The following FGF18 variants were observed in gnomAD, a reference collection of about 807,000 sequenced individuals.
FGF18 encodes fibroblast growth factor 18.
FGF18 carries 5 observed loss-of-function variants against 23.0 expected under a neutral mutation model. That is an observed-to-expected ratio of 0.22 (90% CI 0.11 to 0.46). The LOEUF (loss-of-function observed/expected upper bound fraction) is 0.46, where lower values mean the gene tolerates loss of function less well. Ranked by LOEUF, FGF18 falls within the 20% of genes least tolerant of loss-of-function variation. FGF18 has a pLI of 0.99. For synonymous variants in FGF18, 117 were observed against 118.9 expected (o/e 0.98, Z 0.10); for missense variants, 180 against 291.6 (o/e 0.62, Z 2.79).
intron 2 of FGF18, among the ~76,000 whole-genome samples, chr5:171,427,194 C>T (rs923747735): frequency 3.4e-5 from 5 of 148,146 alleles, no homozygotes; most frequent in East Asian, 2.0e-4. Flanking sequence ...GCAAGAGCGA[C>T]GCTCCATCTG....
At position 171,440,230 on chromosome 5, in the gene FGF18, G is replaced by T. The variant is rs1449408158; in HGVS notation, c.250+3957G>T. ...ACCTCCTTACTATGGGTGTGTGGGGGGGGGTGGTGCCATCGCGGGCTCAGG... is the reference window on the plus strand; with the variant it reads ...ACCTCCTTACTATGGGTGTGTGGGGTGGGGTGGTGCCATCGCGGGCTCAGG... On this transcript the variant is annotated intron_variant, in intron 3 of 4. Coordinates refer to ENST00000274625, the MANE Select transcript of FGF18 (RefSeq NM_003862.3). The surrounding 1 kb of genome is among the most constrained non-coding windows in gnomAD (Gnocchi z 4.0). 3.9e-5 allele frequency among the ~76,000 whole-genome samples: 6 copies of T among 152,096 alleles called. No homozygotes were observed. The highest frequency in any genetic ancestry group is 7.4e-5 in the Non-Finnish European group (5 of 68,002).
rs762070946 is a variant in FGF18, at chr5:171,441,657, C to T, written c.250+5384C>T. ...ATATTTAGTTACCCACTATCTGTCT[C>T]CCGTGTTAGAGTGTAAACTTCTGGA... On this transcript the variant is annotated intron_variant, in intron 3 of 4. Transcript: ENST00000274625. Among the ~76,000 whole-genome samples, 70 of 152,192 alleles carry T rather than the reference C, an allele frequency of 4.6e-4. 1 individual carries two copies. The highest frequency in any genetic ancestry group is 8.4e-4 in the Non-Finnish European group (57 of 68,040).
At position 171,436,807 on chromosome 5, in the gene FGF18, A is replaced by C. The variant is rs1485906308; in HGVS notation, c.250+534A>C. The stretch of plus-strand genomic sequence containing the variant: ...CCTGCCCTTGACCCTGGAACTGCCC[A>C]ACCCTCCTGGAGTACTTGGGAACTC... On this transcript the variant is annotated intron_variant, in intron 3 of 4. Coordinates refer to ENST00000274625, the MANE Select transcript of FGF18 (RefSeq NM_003862.3). This position sits in a 1 kb window ranked among gnomAD's most constrained non-coding sequence, Gnocchi z 4.4. Among the ~76,000 whole-genome samples the C allele has an allele frequency of 2.6e-5, 4 of 152,090 alleles. No individual in the cohort carries two copies. The highest frequency in any genetic ancestry group is 6.5e-5 in the Admixed American group (1 of 15,272).
chr5:171,444,098 C>T (rs1290802033), intron 3 of FGF18, among the ~76,000 whole-genome samples: 2 of 152,188 alleles, frequency 1.3e-5, no homozygotes, highest in African/African-American at 4.8e-5. Context: ...CTCAGGGTGA[C>T]CCTGGGGACT....
intron 3 of FGF18, among the ~76,000 whole-genome samples, chr5:171,438,503 T>A (rs1772287670): frequency 6.6e-6 from 1 of 152,094 alleles, no homozygotes; most frequent in African/African-American, 2.4e-5. Flanking sequence ...AGCTGCTGCA[T>A]CTGACAAGTG....
Position 171,434,748 on chromosome 5 carries a change from T to C in FGF18, c.70-1345T>C, listed in dbSNP as rs1213362055. ...TCCATTCAAGAAGCGTTTGAGTTTCTACCGTGTTAGGTGCTGCGGATATAG... is the reference window on the plus strand; with the variant it reads ...TCCATTCAAGAAGCGTTTGAGTTTCCACCGTGTTAGGTGCTGCGGATATAG... On this transcript the variant is annotated intron_variant, in intron 2 of 4. Coordinates refer to ENST00000274625, the MANE Select transcript of FGF18 (RefSeq NM_003862.3). The surrounding 1 kb of genome is among the most constrained non-coding windows in gnomAD (Gnocchi z 4.6). Among the ~76,000 whole-genome samples, 2 of 152,062 alleles carry C rather than the reference T, an allele frequency of 1.3e-5. No individual in the cohort carries two copies. The highest frequency in any genetic ancestry group is 2.4e-5 in the African/African-American group (1 of 41,400).
chr5:171,430,162 G>C lies in FGF18; in HGVS notation c.70-5931G>C, dbSNP rs561604820. Among the ~76,000 whole-genome samples the C allele has an allele frequency of 1.7e-4, 26 of 149,494 alleles. No individual in the cohort carries two copies. The South Asian group carries it at 5.6e-3, about 32-fold the overall frequency. Reference sequence around the variant, plus strand: ...TCATGAGGTCAGGAGTTCAAGACCAGCCTGGCCAAGATGGTGAAATCCCGT... The same window carrying C: ...TCATGAGGTCAGGAGTTCAAGACCACCCTGGCCAAGATGGTGAAATCCCGT... On this transcript the variant is annotated intron_variant, in intron 2 of 4. Coordinates refer to ENST00000274625, the MANE Select transcript of FGF18 (RefSeq NM_003862.3).
At chr5:171,446,200 G>A (rs990513281) in intron 3 of FGF18, among the ~76,000 whole-genome samples, 6 of 152,224 alleles carry the variant, frequency 3.9e-5, no homozygotes, top group Admixed American at 2.0e-4. Flanking sequence ...ACGGCCAGGC[G>A]CAGACCCTCC....
chr5:171,422,493 G>C (rs1772028980), intron 2 of FGF18, among the ~76,000 whole-genome samples: 1 of 152,174 alleles, frequency 6.6e-6, no homozygotes, highest in African/African-American at 2.4e-5. Flanking sequence ...GTGCTCAAAT[G>C]TGCTGTGTCT....
intron 4 of FGF18, among the ~76,000 whole-genome samples, chr5:171,450,858 G>C (rs979924229): frequency 2.6e-5 from 4 of 151,880 alleles, no homozygotes; most frequent in Non-Finnish European, 4.4e-5. Context: ...CTGCCCGCCT[G>C]GGCCGCCTCC....
At position 171,454,488 on chromosome 5, in the gene FGF18, A is replaced by C. The variant is rs954566165; in HGVS notation, c.358-2051A>C. Among the ~76,000 whole-genome samples, 3 of 152,104 alleles carry C rather than the reference A, an allele frequency of 2.0e-5. No homozygotes were observed. In the East Asian group the frequency reaches 5.8e-4, roughly 29 times the overall value. On this transcript the variant is annotated intron_variant, in intron 4 of 4. Coordinates refer to ENST00000274625, the MANE Select transcript of FGF18 (RefSeq NM_003862.3). Reference sequence around the variant, plus strand: ...TAGACCTTCGCTGCTCACGCCACCCATACTGTCCTCTGGGTCCCACGTGTG... The same window carrying C: ...TAGACCTTCGCTGCTCACGCCACCCCTACTGTCCTCTGGGTCCCACGTGTG...
intron 3 of FGF18, among the ~76,000 whole-genome samples, chr5:171,448,270 G>A (rs1772446859): frequency 6.6e-6 from 1 of 152,196 alleles, no homozygotes; most frequent in African/African-American, 2.4e-5. Context: ...GGTCCTGATT[G>A]GGATTTCTGG....
chr5:171,420,223 C>T lies in FGF18; in HGVS notation c.24C>T (p.Cys8=). Residue 8 remains cysteine (C), a synonymous_variant, in exon 1 of 5, where the codon TGC becomes TGT. Transcript: ENST00000274625. ...CGATGTATTCAGCGCCCTCCGCCTG[C>T]ACTTGCCTGTAAGCGCCCGCGCGCG... The part of the protein sequence containing the change: MYSAPSA[C]TCLCLHFLLL... The T allele has an allele frequency of 6.4e-7, 1 of 1,566,610 alleles. No homozygotes were observed. The highest frequency in any genetic ancestry group is 1.7e-4 in the Middle Eastern group (1 of 6,020).
chr5:171,446,895 A>T (rs1004991930), intron 3 of FGF18, among the ~76,000 whole-genome samples: 10 of 152,152 alleles, frequency 6.6e-5, no homozygotes, highest in African/African-American at 2.4e-4. Flanking sequence ...GCCCTCAAGG[A>T]TGCTGGGAAG....
At chr5:171,452,128 C>T (rs1772524234) in intron 4 of FGF18, among the ~76,000 whole-genome samples, 1 of 152,278 alleles carries the variant, frequency 6.6e-6, no homozygotes, top group South Asian at 2.1e-4. Context: ...GAATTATTCA[C>T]ATCAACCCAA....
At chr5:171,439,593 G>A (rs1371227813) in intron 3 of FGF18, among the ~76,000 whole-genome samples, 11 of 152,194 alleles carry the variant, frequency 7.2e-5, no homozygotes, top group Admixed American at 6.5e-4. Context: ...GCTCTGCCAG[G>A]GAGCATCTTG....
At chr5:171,438,044 T>TGGTCTCTGGGTCTG (rs1324055493) in intron 3 of FGF18, among the ~76,000 whole-genome samples, 1 of 152,124 alleles carries the variant, frequency 6.6e-6, no homozygotes, top group East Asian at 1.9e-4. Context: ...CTCTGGGCCT[T>TGGTCTCTGGGTCTG]GGTTTCTCCT....
chr5:171,449,463 C>CCCCAT (rs1168522579), intron 4 of FGF18, among the ~76,000 whole-genome samples: 2 of 151,770 alleles, frequency 1.3e-5, no homozygotes, highest in Non-Finnish European at 2.9e-5. Context: ...CTTCCTTTCA[C>CCCCAT]CCCATCCCAT....
chr5:171,454,660 G>A (rs566619374), intron 4 of FGF18, among the ~76,000 whole-genome samples: 46 of 152,320 alleles, frequency 3.0e-4, no homozygotes, highest in Non-Finnish European at 5.1e-4. Context: ...AAAGGTGAAC[G>A]TTCCTGGAAG....
Sources: allele counts gnomAD v4.1 joint callset (sites outside exome capture counted in the v4.1 genomes callset), GRCh38; gene constraint gnomAD v4.1.1; non-coding constraint Gnocchi (gnomAD v3.1); transcripts MANE v1.5; gene names NCBI Gene and HGNC (gene_info 2026-07-23, HGNC 2026-07-21).